DPY19L3: variants seen among roughly 807,000 people sequenced by gnomAD.
DPY19L3 encodes the protein dpy-19 like C-mannosyltransferase 3.
Under a neutral mutation model 92.3 loss-of-function variants are expected in DPY19L3, and 51 were observed. The observed-to-expected ratio is 0.55, with a 90% CI of 0.44 to 0.70. The LOEUF (loss-of-function observed/expected upper bound fraction) is 0.70, where lower values mean the gene tolerates loss of function less well. Among genes scored for constraint, DPY19L3 ranks in the 30% least tolerant of loss-of-function variants. The pLI is 0.00. For missense variants in DPY19L3, 706 were observed against 855.9 expected (o/e 0.82, Z 2.18); for synonymous variants, 309 against 315.2 (o/e 0.98, Z 0.21).
intron 3 of DPY19L3, among the ~76,000 whole-genome samples, chr19:32,432,085 G>A (rs1176932004): frequency 1.3e-5 from 2 of 152,088 alleles, no homozygotes; most frequent in African/African-American, 4.8e-5. Context: ...AAAGTCTTCC[G>A]TGTCATTGTT....
At chr19:32,413,672 C>T (rs1249979266) in intron 3 of DPY19L3, among the ~76,000 whole-genome samples, 5 of 149,286 alleles carry the variant, frequency 3.3e-5, no homozygotes, top group Admixed American at 6.8e-5. Context: ...CTTTCAGTGA[C>T]AGTAGGTAGT....
intron 3 of DPY19L3, among the ~76,000 whole-genome samples, chr19:32,414,098 C>T (rs1372922169): frequency 6.6e-6 from 1 of 152,020 alleles, no homozygotes; most frequent in Non-Finnish European, 1.5e-5. Context: ...GCCTGGCCAA[C>T]ATGGTGAAAC....
At chr19:32,448,837 A>G (rs544174411) in intron 8 of DPY19L3, among the ~76,000 whole-genome samples, 8 of 152,338 alleles carry the variant, frequency 5.3e-5, no homozygotes, top group Admixed American at 3.3e-4. Context: ...GGGAAAGAAT[A>G]TCCAGTACAC....
At chr19:32,421,297 T>C (rs1968559052) in intron 3 of DPY19L3, among the ~76,000 whole-genome samples, 1 of 152,208 alleles carries the variant, frequency 6.6e-6, no homozygotes, top group African/African-American at 2.4e-5. Context: ...AAGTTCCAGC[T>C]TTGATGAAGG....
chr19:32,451,492 A>C (rs1969697946), intron 8 of DPY19L3, among the ~76,000 whole-genome samples: 1 of 152,184 alleles, frequency 6.6e-6, no homozygotes, highest in Admixed American at 6.5e-5. Flanking sequence ...AAAGCACTGA[A>C]CTGCTGCAAG....
intron 3 of DPY19L3, among the ~76,000 whole-genome samples, chr19:32,414,144 G>A (rs190793301): frequency 6.6e-6 from 1 of 152,222 alleles, no homozygotes; most frequent in African/African-American, 2.4e-5. Context: ...AAGAGGGCCG[G>A]GCGCAGTGGC....
intron 3 of DPY19L3, among the ~76,000 whole-genome samples, chr19:32,423,403 T>A (rs1968641565): frequency 2.0e-5 from 1 of 48,900 alleles, no homozygotes; most frequent in Admixed American, 1.7e-4. Flanking sequence ...GCCCAGCTAA[T>A]TTTTTTTTTT....
At chr19:32,445,357 C>T (rs1043985468) in intron 8 of DPY19L3, among the ~76,000 whole-genome samples, 7 of 141,230 alleles carry the variant, frequency 5.0e-5, no homozygotes, top group African/African-American at 7.8e-5. Context: ...AGGAAAATGG[C>T]GTGAACCTGG....
intron 8 of DPY19L3, among the ~76,000 whole-genome samples, chr19:32,448,433 A>G (rs1251767593): frequency 6.6e-6 from 1 of 152,206 alleles, no homozygotes; most frequent in Admixed American, 6.5e-5. Context: ...AAATCTGCAC[A>G]CAATTTTTGA....
At chr19:32,480,150 A>G (rs960924951) in intron 17 of DPY19L3, among the ~76,000 whole-genome samples, 1 of 152,174 alleles carries the variant, frequency 6.6e-6, no homozygotes, top group Non-Finnish European at 1.5e-5. Flanking sequence ...ACTTGAAGTA[A>G]TACATTCTGA....
chr19:32,469,204 GTATTCT>G (rs1970280872), intron 16 of DPY19L3: 1 of 160,188 alleles, frequency 6.2e-6, no homozygotes, highest in Non-Finnish European at 1.4e-5. Context: ...ACACTTGAAA[GTATTCT>G]TTCTGGCCGG....
At chr19:32,433,905 C>T (rs1284898914) in intron 4 of DPY19L3, among the ~76,000 whole-genome samples, 1 of 152,154 alleles carries the variant, frequency 6.6e-6, no homozygotes, top group Non-Finnish European at 1.5e-5. Flanking sequence ...TGATGATTAT[C>T]GTCTGTAGTT....
intron 3 of DPY19L3, among the ~76,000 whole-genome samples, chr19:32,430,564 TTAAA>T (rs1162901181): frequency 1.3e-5 from 2 of 152,158 alleles, no homozygotes; most frequent in Non-Finnish European, 2.9e-5. Flanking sequence ...CAGAAATATA[TTAAA>T]TAAATAATTT....
At position 32,455,044 on chromosome 19, in the gene DPY19L3, A is replaced by G. The variant is rs1281080655; in HGVS notation, c.1089+4A>G. The G allele has an allele frequency of 1.4e-6, 2 of 1,480,672 alleles. No homozygotes were observed. The highest frequency in any genetic ancestry group is 2.5e-5 in the South Asian group (2 of 78,542). 91.7% of individuals were successfully genotyped at this position (1,480,672 alleles called of 1,614,324 possible). A position where few individuals can be genotyped will look rare whatever the true frequency, so the allele number is the denominator to read the frequency against. The stretch of plus-strand genomic sequence containing the variant: ...TTTTCTCAACAACATAATTAAGGTA[A>G]GTTAATAAAAATGACATGTTTAATG... On this transcript the variant is annotated splice_donor_region_variant and intron_variant, in intron 10 of 18. Transcript: ENST00000392250.
intron 12 of DPY19L3, among the ~76,000 whole-genome samples, chr19:32,461,093 TG>T (rs1353325571): frequency 6.6e-6 from 1 of 152,214 alleles, no homozygotes; most frequent in African/African-American, 2.4e-5. Context: ...GTTGAACTCC[TG>T]ACCTCAAGTG....
chr19:32,431,458 C>T lies in DPY19L3; in HGVS notation c.238-1258C>T, dbSNP rs147019014. ...ATGGTTTGTTTTGTTTTGTTTTTAA[C>T]ACTGGTGTAAAAGAATCTCTAATAA... On this transcript the variant is annotated intron_variant, in intron 3 of 18. Coordinates refer to ENST00000392250, the MANE Select transcript of DPY19L3 (RefSeq NM_001172774.2). Among the ~76,000 whole-genome samples, 299 of 151,558 alleles carry T rather than the reference C, an allele frequency of 2.0e-3. 2 individuals carry two copies. Among genetic ancestry groups the T allele is most frequent in the African/African-American group, 6.5e-3 (268 of 41,358 alleles).
At chr19:32,468,185 T>C (rs1446106120) in intron 15 of DPY19L3, 1 of 920,454 alleles carries the variant, frequency 1.1e-6, no homozygotes, top group Non-Finnish European at 1.3e-6. Flanking sequence ...TCCACACTTC[T>C]AAATGAAAAA....
intron 3 of DPY19L3, among the ~76,000 whole-genome samples, chr19:32,428,948 A>C (rs1285681424): frequency 1.3e-5 from 2 of 151,908 alleles, no homozygotes; most frequent in Non-Finnish European, 2.9e-5. Context: ...TCCGAGTTCA[A>C]GTGATTCTCC....
At chr19:32,480,336 C>A in intron 17 of DPY19L3, 63 bp from the exon 18 acceptor site, 1 of 1,544,862 alleles carries the variant, frequency 6.5e-7, no homozygotes, top group Non-Finnish European at 8.8e-7. Context: ...GGTTACATCA[C>A]ATAGTTAACT....
Sources: allele counts gnomAD v4.1 joint callset (sites outside exome capture counted in the v4.1 genomes callset), GRCh38; gene constraint gnomAD v4.1.1; transcripts MANE v1.5; gene names NCBI Gene and HGNC (gene_info 2026-07-23, HGNC 2026-07-21).